The following ATP2A3 variants were observed in gnomAD, a reference collection of about 807,000 sequenced individuals.
ATP2A3 encodes the protein sarcoplasmic/endoplasmic reticulum calcium ATPase 3.
Under a neutral mutation model 106.8 loss-of-function variants are expected in ATP2A3, and 61 were observed. The observed-to-expected ratio is 0.57, with a 90% CI of 0.46 to 0.71. ATP2A3 has a LOEUF of 0.71. ATP2A3 is among the 30% of genes least tolerant of loss of function. The pLI is 0.00. For missense variants in ATP2A3, 1,201 were observed against 1,423.5 expected (o/e 0.84, Z 2.52); for synonymous variants, 611 against 609.3 (o/e 1.00, Z -0.04).
intron 8 of ATP2A3, 52 bp from the exon 9 acceptor site, chr17:3,945,200 C>A (rs1407772234): frequency 4.6e-6 from 7 of 1,513,376 alleles, no homozygotes; most frequent in South Asian, 1.2e-5. Flanking sequence ...CCCTCCTCCC[C>A]GGGCGGCCAG....
intron 14 of ATP2A3, among the ~76,000 whole-genome samples, chr17:3,939,424 C>T (rs1245702984): frequency 6.6e-6 from 1 of 152,026 alleles, no homozygotes; most frequent in Non-Finnish European, 1.5e-5. Context: ...TAGGCCCAAA[C>T]TAAATGTCCA....
In ATP2A3 at chr17:3,951,543, A is replaced by ACCCCCC. The variant is rs56224024; in HGVS notation, c.324+37_324+38insGGGGGG. On this transcript the variant is annotated intron_variant, in intron 4 of 20. Transcript: ENST00000397041. ...GGAGGGCACTCCTAGTGGCTGGGAG[A>ACCCCCC]CCGCCCCCCGCCCGGTCCCACCCCC... The ACCCCCC allele has an allele frequency of 3.0e-4, 423 of 1,388,336 alleles. 2 individuals carry two copies. The highest frequency in any genetic ancestry group is 6.9e-4 in the Admixed American group (34 of 48,994). The allele number at this position is 1,388,336 out of a possible 1,614,324, so 86.0% of individuals were successfully genotyped here.
intron 6 of ATP2A3, 42 bp from the exon 7 acceptor site, chr17:3,950,638 C>A (rs112101724): frequency 1.2e-6 from 2 of 1,613,358 alleles, no homozygotes; most frequent in Non-Finnish European, 8.5e-7. Flanking sequence ...CATGAAGACA[C>A]GCCCATCCCT....
chr17:3,964,328 G>A lies in ATP2A3; in HGVS notation c.-37C>T, dbSNP rs1347909421. ...GGCCGTCTGCGCCGTCCGCACCGTC[G>A]AGGCCGCCTCTCCGCCGGGGGGCTA... On this transcript the variant is annotated 5_prime_UTR_variant, in exon 1 of 21. Coordinates refer to ENST00000397041, the MANE Select transcript of ATP2A3 (RefSeq NM_005173.4). 1.8e-6 allele frequency: 2 copies of A among 1,123,514 alleles called. No homozygotes were observed. Among genetic ancestry groups the A allele is most frequent in the South Asian group, 2.8e-5 (1 of 36,088 alleles). 69.6% of individuals were successfully genotyped at this position (1,123,514 alleles called of 1,614,324 possible). A position where few individuals can be genotyped will look rare whatever the true frequency, so the allele number is the denominator to read the frequency against.
At chr17:3,945,259 A>T in intron 8 of ATP2A3, 111 bp from the exon 9 acceptor site, 2 of 1,044,316 alleles carry the variant, frequency 1.9e-6, no homozygotes, top group Non-Finnish European at 2.8e-6. Flanking sequence ...CCGAGGGCCA[A>T]ACCGGCCTGG....
At chr17:3,939,786 T>TAAAAAAAAA (rs71381543) in intron 14 of ATP2A3, among the ~76,000 whole-genome samples, 1 of 50,526 alleles carries the variant, frequency 2.0e-5, no homozygotes, top group Non-Finnish European at 4.0e-5. Context: ...AGACTCTGTC[T>TAAAAAAAAA]AAAAAAAAAA....
In ATP2A3 at chr17:3,928,247, G is replaced by A; in HGVS notation, c.2980+416C>T. 3 of 1,613,584 alleles carry A rather than the reference G, an allele frequency of 1.9e-6. No individual in the cohort carries two copies. The highest frequency in any genetic ancestry group is 1.7e-6 in the Non-Finnish European group (2 of 1,180,026). On this transcript the variant is annotated intron_variant, in intron 20 of 20. Coordinates refer to ENST00000397041, the MANE Select transcript of ATP2A3 (RefSeq NM_005173.4). The surrounding 1 kb of genome is among the most constrained non-coding windows in gnomAD (Gnocchi z 6.1). Reference sequence around the variant, plus strand: ...GATACCAAAGAGGCCAACCCGGTGTGGTCTGGGGTCCAAGAGGTGGTCAGC... The same window carrying A: ...GATACCAAAGAGGCCAACCCGGTGTAGTCTGGGGTCCAAGAGGTGGTCAGC...
Position 3,964,371 on chromosome 17 carries a change from GACTCGGGCCCGGGCGGGCGCC to G in ATP2A3, c.-101_-81del. 1 of 814,360 alleles carries G rather than the reference GACTCGGGCCCGGGCGGGCGCC, an allele frequency of 1.2e-6. No individual in the cohort carries two copies. The highest frequency in any genetic ancestry group is 5.5e-5 in the Admixed American group (1 of 18,284). The allele number at this position is 814,360 out of a possible 1,614,324, so 50.4% of individuals were successfully genotyped here. On this transcript the variant is annotated 5_prime_UTR_variant, in exon 1 of 21. Coordinates refer to ENST00000397041, the MANE Select transcript of ATP2A3 (RefSeq NM_005173.4). ...GGGGGCTACAAAGCGGGGCGCGGGG[GACTCGGGCCCGGGCGGGCGCC>G]GCGCGAGGCCATGTCCGTGCTGGGA...
intron 1 of ATP2A3, among the ~76,000 whole-genome samples, chr17:3,956,610 A>T (rs1050819463): frequency 6.6e-6 from 1 of 152,212 alleles, no homozygotes; most frequent in Non-Finnish European, 1.5e-5. Flanking sequence ...TCTCTCCTAC[A>T]GCAGCCAGCA....
Position 3,930,333 on chromosome 17 carries a change from G to C in ATP2A3, c.2712C>G (p.Leu904=), listed in dbSNP as rs368016888. 2.5e-6 allele frequency: 4 copies of C among 1,610,084 alleles called. No homozygotes were observed. In the African/African-American group the frequency reaches 5.3e-5, roughly 21 times the overall value. Residue 904 remains leucine (L), a synonymous_variant, in exon 18 of 21, where the codon CTC becomes CTG. Coordinates refer to ENST00000397041, the MANE Select transcript of ATP2A3 (RefSeq NM_005173.4). The surrounding 1 kb of genome is among the most constrained non-coding windows in gnomAD (Gnocchi z 5.4). ...GGGCATTGCACATTTCAATGGTCACGAGCACGGACAAGGCCATGGTGGTGG... is the reference window on the plus strand; with the variant it reads ...GGGCATTGCACATTTCAATGGTCACCAGCACGGACAAGGCCATGGTGGTGG... The part of the protein sequence containing the change: ...RFPTTMALSV[L]VTIEMCNALN...
intron 13 of ATP2A3, 43 bp downstream of exon 13, chr17:3,941,393 G>A: frequency 6.2e-7 from 1 of 1,612,574 alleles, no homozygotes; most frequent in Non-Finnish European, 8.5e-7. Context: ...CTTGGCTCCT[G>A]CACCCACCTC....
chr17:3,952,686 C>T (rs2054518867), intron 3 of ATP2A3, among the ~76,000 whole-genome samples: 1 of 151,850 alleles, frequency 6.6e-6, no homozygotes, highest in Admixed American at 6.6e-5. Context: ...TCCTCCTGGG[C>T]CCAAGCAATT....
At position 3,953,215 on chromosome 17, in the gene ATP2A3, C is replaced by T. The variant is rs1178521965; in HGVS notation, c.219+132G>A. 1.2e-5 allele frequency: 13 copies of T among 1,042,060 alleles called. No individual in the cohort carries two copies. The highest frequency in any genetic ancestry group is 1.7e-5 in the Admixed American group (1 of 57,498). 64.6% of individuals were successfully genotyped at this position (1,042,060 alleles called of 1,614,324 possible). A position where few individuals can be genotyped will look rare whatever the true frequency, so the allele number is the denominator to read the frequency against. ...AGCTGAAGTCTGAGCAGGGCAGGGC[C>T]AGGGAAGGCCAGGGCGCAGGCCCAG... On this transcript the variant is annotated intron_variant, in intron 3 of 20. Coordinates refer to ENST00000397041, the MANE Select transcript of ATP2A3 (RefSeq NM_005173.4). This position sits in a 1 kb window ranked among gnomAD's most constrained non-coding sequence, Gnocchi z 5.1.
Position 3,926,536 on chromosome 17 carries a change from C to T in ATP2A3, c.2981-1095G>A, listed in dbSNP as rs190379646. Among the ~76,000 whole-genome samples, 25 of 152,274 alleles carry T rather than the reference C, an allele frequency of 1.6e-4. No homozygotes were observed. In the East Asian group the frequency reaches 4.8e-3, roughly 29 times the overall value. ...AGCTCCCCAGATCTGTTCAATGCCGCTCGCCCACCTCCTGGTGTTAGTCTC... is the reference window on the plus strand; with the variant it reads ...AGCTCCCCAGATCTGTTCAATGCCGTTCGCCCACCTCCTGGTGTTAGTCTC... On this transcript the variant is annotated intron_variant, in intron 20 of 20. Transcript: ENST00000397041. The surrounding 1 kb of genome is among the most constrained non-coding windows in gnomAD (Gnocchi z 4.6).
Position 3,941,054 on chromosome 17 carries a change from C to T in ATP2A3, c.2017G>A (p.Ala673Thr), listed in dbSNP as rs749345295. ...PEQQRQACRT[A>T]RCFARVEPAH... Reference sequence around the variant, plus strand: ...GGCTCCACGCGGGCGAAGCAGCGGGCGGTGCGGCAGGCCTGGCGCTGCTGC... The same window carrying T: ...GGCTCCACGCGGGCGAAGCAGCGGGTGGTGCGGCAGGCCTGGCGCTGCTGC... Residue 673 changes from alanine (A) to threonine (T), a missense_variant, in exon 14 of 21, where the codon GCC becomes ACC. Ala to Thr is a moderately conservative substitution (Grantham distance 58). This residue lies in a region of ATP2A3 where 935 missense variants were observed against 1,176.7 expected (regional missense o/e 0.79). Transcript: ENST00000397041. The T allele has an allele frequency of 1.3e-5, 21 of 1,613,504 alleles. No individual in the cohort carries two copies. The highest frequency in any genetic ancestry group is 8.0e-5 in the African/African-American group (6 of 74,926).
Position 3,936,752 on chromosome 17 carries a change from A to ATG in ATP2A3, c.2322-284_2322-283insCA. ...CACACACACACACACACACACACAC[A>ATG]CACGCACACGAAGAGGGCATGCCCA... On this transcript the variant is annotated intron_variant, in intron 15 of 20. Coordinates refer to ENST00000397041, the MANE Select transcript of ATP2A3 (RefSeq NM_005173.4). This position sits in a 1 kb window ranked among gnomAD's most constrained non-coding sequence, Gnocchi z 5.4. The ATG allele has an allele frequency of 2.2e-6, 1 of 454,774 alleles. No homozygotes were observed. Among genetic ancestry groups the ATG allele is most frequent in the Non-Finnish European group, 4.1e-6 (1 of 245,660 alleles). 28.2% of individuals were successfully genotyped at this position (454,774 alleles called of 1,614,324 possible). A position where few individuals can be genotyped will look rare whatever the true frequency, so the allele number is the denominator to read the frequency against.
chr17:3,963,102 C>G (rs1024256394), intron 1 of ATP2A3, among the ~76,000 whole-genome samples: 3 of 152,232 alleles, frequency 2.0e-5, no homozygotes, highest in African/African-American at 7.2e-5. Flanking sequence ...TAAACCAATA[C>G]AAAACCCAAA....
chr17:3,927,018 C>A (rs1597556356), intron 20 of ATP2A3: 1 of 985,376 alleles, frequency 1.0e-6, no homozygotes. Context: ...GGGCCTCACC[C>A]CTCTGCCCTG....
chr17:3,960,201 TG>T (rs1237870168), intron 1 of ATP2A3, among the ~76,000 whole-genome samples: 17 of 152,222 alleles, frequency 1.1e-4, no homozygotes, highest in Admixed American at 3.3e-4. Flanking sequence ...GCCACTCAGA[TG>T]GCCCCCTCTT....
Sources: gnomAD v4.1 joint callset for allele counts (sites outside exome capture counted in the v4.1 genomes callset) on GRCh38, gnomAD v4.1.1 for gene constraint, gnomAD v4.1.1 regional missense constraint, Gnocchi (gnomAD v3.1) non-coding constraint, MANE v1.5 for transcripts, NCBI Gene and HGNC (gene_info 2026-07-23, HGNC 2026-07-21) for gene names.